The following GOLIM4 variants were observed in gnomAD, a reference collection of about 807,000 sequenced individuals.
The protein encoded by GOLIM4 is 130 kDa golgi-localized phosphoprotein.
In GOLIM4, 71 loss-of-function variants were observed where a neutral mutation model predicts 107.4. The observed-to-expected ratio is 0.66, with a 90% CI of 0.55 to 0.81. The LOEUF is 0.81. GOLIM4 is among the 30% of genes least tolerant of loss of function. The probability of loss-of-function intolerance (pLI) is 0.00; values close to 1 mark genes in which losing one functional copy is unlikely to be tolerated. For missense variants in GOLIM4, 830 were observed against 826.1 expected (o/e 1.00, Z -0.06); for synonymous variants, 327 against 294.8 (o/e 1.11, Z -1.12).
intron 1 of GOLIM4, among the ~76,000 whole-genome samples, chr3:168,062,164 T>C (rs1720308722): frequency 6.6e-6 from 1 of 152,196 alleles, no homozygotes; most frequent in African/African-American, 2.4e-5. Flanking sequence ...CACATGCATG[T>C]CTGACATCTG....
Position 168,082,370 on chromosome 3 carries a change from GC to G in GOLIM4, c.187+12728del, listed in dbSNP as rs553402708. ...CAAAGCCGACTTTCTTTAAAGCTCA[GC>G]CCCTCCTCAAAATATTGTTACTGTG... On this transcript the variant is annotated intron_variant, in intron 1 of 15. Transcript: ENST00000470487. Among the ~76,000 whole-genome samples, 337 of 152,198 alleles carry G rather than the reference GC, an allele frequency of 2.2e-3. 1 individual carries two copies. The highest frequency in any genetic ancestry group is 7.9e-3 in the African/African-American group (330 of 41,538).
intron 1 of GOLIM4, among the ~76,000 whole-genome samples, chr3:168,052,363 T>C (rs28592743): frequency 6.6e-6 from 1 of 151,896 alleles, no homozygotes; most frequent in Non-Finnish European, 1.5e-5. Flanking sequence ...TGCATATATA[T>C]ATATATACAC....
chr3:168,034,772 C>T (rs1057136489), intron 8 of GOLIM4, among the ~76,000 whole-genome samples: 1 of 152,106 alleles, frequency 6.6e-6, no homozygotes, highest in African/African-American at 2.4e-5. Context: ...GCTGCTCTCA[C>T]AATAGTGAAC....
intron 3 of GOLIM4, 87 bp downstream of exon 3, chr3:168,046,863 G>C: frequency 1.5e-6 from 1 of 664,360 alleles, no homozygotes. Flanking sequence ...AAGTAAAAGA[G>C]TTCGCAACTG....
In GOLIM4 at chr3:168,033,607, A is replaced by AG. The variant is rs1491573885; in HGVS notation, c.844-756_844-755insC. On this transcript the variant is annotated intron_variant, in intron 8 of 15. Transcript: ENST00000470487. ...GGGCGACAGAGCAAGACTCCGTCTC[A>AG]AAAAAAAAAAAAAAAAAAAAAAAAA... is the stretch of plus-strand genomic sequence containing the variant. 6.3e-5 allele frequency among the ~76,000 whole-genome samples: 3 copies of AG among 47,282 alleles called. No homozygotes were observed. The East Asian group carries it at 1.1e-3, about 18-fold the overall frequency. The allele number at this position is 47,282 out of a possible 152,430, so 31.0% of individuals were successfully genotyped here.
At chr3:168,075,101 G>GT (rs1239025186) in intron 1 of GOLIM4, among the ~76,000 whole-genome samples, 1 of 151,950 alleles carries the variant, frequency 6.6e-6, no homozygotes, top group African/African-American at 2.4e-5. Flanking sequence ...GACTGTTAAA[G>GT]TAAGTGCTTA....
At chr3:168,039,969 T>C (rs545901736) in intron 7 of GOLIM4, among the ~76,000 whole-genome samples, 9 of 152,276 alleles carry the variant, frequency 5.9e-5, no homozygotes, top group East Asian at 1.9e-4. Flanking sequence ...CAGAAAATTA[T>C]ACCTTTTAAT....
chr3:168,036,528 C>T (rs1052835044), intron 8 of GOLIM4, among the ~76,000 whole-genome samples: 1 of 152,032 alleles, frequency 6.6e-6, no homozygotes, highest in African/African-American at 2.4e-5. Context: ...GACGACGTAG[C>T]ATGACACTGT....
chr3:168,029,052 C>T (rs1718162852), intron 11 of GOLIM4, among the ~76,000 whole-genome samples, 171 bp downstream of exon 11: 1 of 152,172 alleles, frequency 6.6e-6, no homozygotes, highest in East Asian at 1.9e-4. Context: ...GCATTTTTCA[C>T]TACCAGCATG....
intron 1 of GOLIM4, among the ~76,000 whole-genome samples, chr3:168,068,919 C>T (rs919797204): frequency 6.6e-6 from 1 of 151,842 alleles, no homozygotes. Context: ...TCACCGCAAC[C>T]TCTACCTGCC....
At chr3:168,018,054 A>G (rs762542933) in intron 14 of GOLIM4, among the ~76,000 whole-genome samples, 4 of 152,208 alleles carry the variant, frequency 2.6e-5, no homozygotes, top group Non-Finnish European at 5.9e-5. Flanking sequence ...ACATATGCCA[A>G]AATGTTTAAG....
At chr3:168,060,387 A>G (rs1266547593) in intron 1 of GOLIM4, among the ~76,000 whole-genome samples, 5 of 152,224 alleles carry the variant, frequency 3.3e-5, no homozygotes, top group Non-Finnish European at 7.3e-5. Context: ...TGTGGAGGCC[A>G]TATAATATTC....
At chr3:168,048,254 T>A (rs1471081101) in intron 2 of GOLIM4, 37 bp downstream of exon 2, 1 of 1,090,460 alleles carries the variant, frequency 9.2e-7, no homozygotes. Flanking sequence ...AGAAGAGTAC[T>A]GGAAAAACAC....
chr3:168,011,784 A>T (rs1295835302), intron 14 of GOLIM4, among the ~76,000 whole-genome samples: 1 of 134,006 alleles, frequency 7.5e-6, no homozygotes, highest in Non-Finnish European at 1.5e-5. Flanking sequence ...GCAGGAGCAC[A>T]CTGACACCTC....
chr3:168,095,163 C>T lies in GOLIM4; in HGVS notation c.123G>A (p.Arg41=). The change falls in exon 1 of 16, where the codon CGG becomes CGA. Residue 41 remains arginine (R), a synonymous_variant. Transcript: ENST00000470487. ...MLYYELQTQL[R]KAEAVALKYQ... ...ACTTGAGCGCCACCGCCTCGGCTTT[C>T]CGCAGCTGCGTCTGCAGCTCGTAGT... is the stretch of plus-strand genomic sequence containing the variant. The T allele has an allele frequency of 6.2e-7, 1 of 1,612,724 alleles. No individual in the cohort carries two copies. Among genetic ancestry groups the T allele is most frequent in the South Asian group, 1.1e-5 (1 of 91,026 alleles).
chr3:168,095,488 G>A lies in GOLIM4; in HGVS notation c.-203C>T. ...GGCGCGCAGCCATCGACGCCGCCCG[G>A]GCAGCTGCAGCCAAACTTCTGCGAG... On this transcript the variant is annotated 5_prime_UTR_variant, in exon 1 of 16. Transcript: ENST00000470487. 1.9e-6 allele frequency: 1 copy of A among 528,594 alleles called. No homozygotes were observed. The highest frequency in any genetic ancestry group is 3.3e-6 in the Non-Finnish European group (1 of 302,380). The allele number at this position is 528,594 out of a possible 1,614,324, so 32.7% of individuals were successfully genotyped here.
At chr3:168,030,057 T>A (rs375107628) in intron 9 of GOLIM4, 21 bp from the exon 10 acceptor site, 1 of 1,611,720 alleles carries the variant, frequency 6.2e-7, no homozygotes, top group South Asian at 1.1e-5. Context: ...AAAGAGTTGG[T>A]GCAGAGCAAG....
intron 9 of GOLIM4, among the ~76,000 whole-genome samples, chr3:168,030,664 A>G (rs1305936089): frequency 6.6e-6 from 1 of 152,162 alleles, no homozygotes; most frequent in Non-Finnish European, 1.5e-5. Flanking sequence ...CTTCCCTGAG[A>G]TATTATCTCA....
chr3:168,092,324 T>C (rs77883264), intron 1 of GOLIM4, among the ~76,000 whole-genome samples: 5,646 of 152,210 alleles, frequency 0.037, 333 homozygotes, highest in African/African-American at 0.13. Context: ...CAGGCAGACA[T>C]AGATATTTTT....
Sources: gnomAD v4.1 joint callset for allele counts (sites outside exome capture counted in the v4.1 genomes callset) on GRCh38, gnomAD v4.1.1 for gene constraint, MANE v1.5 for transcripts, NCBI Gene and HGNC (gene_info 2026-07-23, HGNC 2026-07-21) for gene names.